TNFRSF10C: variants seen among roughly 807,000 people sequenced by gnomAD.
TNFRSF10C encodes tumor necrosis factor receptor superfamily member 10C.
Under a neutral mutation model 16.7 loss-of-function variants are expected in TNFRSF10C, and 17 were observed. The ratio of observed to expected loss-of-function variants is 1.02; its 90% CI spans 0.70 to 1.53. The LOEUF (loss-of-function observed/expected upper bound fraction) is 1.53, where lower values mean the gene tolerates loss of function less well. Ranked by LOEUF, TNFRSF10C falls within the 40% of genes most tolerant of loss-of-function variation. TNFRSF10C has a pLI of 0.00. For missense variants in TNFRSF10C, 237 were observed against 329.7 expected (o/e 0.72, Z 2.18); for synonymous variants, 73 against 119.7 (o/e 0.61, Z 2.55).
intron 1 of TNFRSF10C, 47 bp from the exon 2 acceptor site, chr8:23,111,673 G>A (rs1288841028): frequency 1.4e-6 from 2 of 1,456,214 alleles, no homozygotes; most frequent in South Asian, 1.2e-5. Context: ...CCTGGGAGGG[G>A]TGAGGTCTGG....
At chr8:23,105,177 T>G (rs1585245191) in intron 1 of TNFRSF10C, among the ~76,000 whole-genome samples, 1 of 152,212 alleles carries the variant, frequency 6.6e-6, no homozygotes, top group Non-Finnish European at 1.5e-5. Context: ...GGCTGGGCCC[T>G]GCCGTGCTCC....
Position 23,103,164 on chromosome 8 carries a change from G to C in TNFRSF10C, c.43G>C (p.Val15Leu), listed in dbSNP as rs147367612. The C allele has an allele frequency of 2.5e-6, 4 of 1,611,666 alleles. No homozygotes were observed. In the South Asian group the frequency reaches 3.3e-5, roughly 13 times the overall value. Residue 15 changes from valine (V) to leucine (L), a missense_variant, in exon 1 of 5, where the codon GTC becomes CTC. Val to Leu is a conservative substitution (Grantham distance 32). This residue lies in a region of TNFRSF10C where 212 missense variants were observed against 196.8 expected (regional missense o/e 1.08). Coordinates refer to ENST00000356864, the MANE Select transcript of TNFRSF10C (RefSeq NM_003841.5). ...GACCCTAAAGTTCGTCGTCGTCATC[G>C]TCGCGGTCCTGCTGCCAGTGAGTCC... ...PKTLKFVVVI[V>L]AVLLPVLAYS...
chr8:23,109,756 A>G (rs574595619), intron 1 of TNFRSF10C, among the ~76,000 whole-genome samples: 29 of 152,276 alleles, frequency 1.9e-4, no homozygotes, highest in African/African-American at 6.5e-4. Context: ...ATCAAAGAAT[A>G]CAAACCACAG....
intron 1 of TNFRSF10C, 166 bp downstream of exon 1, chr8:23,103,347 G>T: frequency 7.6e-7 from 1 of 1,313,422 alleles, no homozygotes; most frequent in Non-Finnish European, 1.1e-6. Context: ...TGGGTCCCCG[G>T]GCTGGGCAGG....
intron 1 of TNFRSF10C, among the ~76,000 whole-genome samples, chr8:23,107,503 C>A (rs1368625665): frequency 6.6e-6 from 1 of 152,144 alleles, no homozygotes; most frequent in African/African-American, 2.4e-5. Context: ...CCCATTATAC[C>A]TCAATGAATC....
chr8:23,105,664 G>A (rs1420223956), intron 1 of TNFRSF10C, among the ~76,000 whole-genome samples: 1 of 152,210 alleles, frequency 6.6e-6, no homozygotes, highest in East Asian at 1.9e-4. Context: ...GCTGTACTGA[G>A]AGGCCACAGT....
rs752739418 is a variant in TNFRSF10C, at chr8:23,111,790, A to G, written c.131A>G (p.Gln44Arg). 5 of 1,614,066 alleles carry G rather than the reference A, an allele frequency of 3.1e-6. No individual in the cohort carries two copies. The highest frequency in any genetic ancestry group is 1.3e-5 in the African/African-American group (1 of 74,944). Residue 44 changes from glutamine to arginine, a missense_variant, in exon 2 of 5, where the codon CAG becomes CGG. By Grantham distance (43) the Gln-to-Arg change is conservative (BLOSUM62 1). This residue lies in a region of TNFRSF10C where 212 missense variants were observed against 196.8 expected (regional missense o/e 1.08). Transcript: ENST00000356864. Reference sequence around the variant, plus strand: ...CAGCAGACAGTGGCCCCACAGCAACAGAGGCACAGCTTCAAGGGGGAGGAG... The same window carrying G: ...CAGCAGACAGTGGCCCCACAGCAACGGAGGCACAGCTTCAAGGGGGAGGAG... Reference protein sequence around the residue: ...VPQQTVAPQQQRHSFKGEECP... With the variant: ...VPQQTVAPQQRRHSFKGEECP...
intron 1 of TNFRSF10C, among the ~76,000 whole-genome samples, chr8:23,110,248 G>T (rs2128830747): frequency 6.6e-6 from 1 of 152,086 alleles, no homozygotes; most frequent in Middle Eastern, 3.4e-3. Context: ...GAATGATTTG[G>T]GAAAAGTGGG....
intron 1 of TNFRSF10C, among the ~76,000 whole-genome samples, chr8:23,107,964 T>C (rs1318487894): frequency 6.6e-6 from 1 of 152,122 alleles, no homozygotes; most frequent in Non-Finnish European, 1.5e-5. Flanking sequence ...CAGTATCAGA[T>C]GAAGTTGATT....
At chr8:23,115,336 G>A (rs1170271032) in intron 3 of TNFRSF10C, among the ~76,000 whole-genome samples, 172 bp from the exon 4 acceptor site, 1 of 151,946 alleles carries the variant, frequency 6.6e-6, no homozygotes, top group Non-Finnish European at 1.5e-5. Context: ...GAGTGCTGGT[G>A]ACAGCTGAAG....
chr8:23,109,357 G>A (rs757112890), intron 1 of TNFRSF10C, among the ~76,000 whole-genome samples: 6 of 152,118 alleles, frequency 3.9e-5, no homozygotes, highest in Non-Finnish European at 8.8e-5. Context: ...AAAATTATGG[G>A]CCGGGCACGG....
chr8:23,113,280 A>C (rs188158526), intron 2 of TNFRSF10C, among the ~76,000 whole-genome samples: 1 of 152,054 alleles, frequency 6.6e-6, no homozygotes, highest in East Asian at 1.9e-4. Flanking sequence ...TTCCTTTGTC[A>C]TGCAGAACCT....
At chr8:23,104,410 T>G (rs185646499) in intron 1 of TNFRSF10C, among the ~76,000 whole-genome samples, 791 of 152,004 alleles carry the variant, frequency 5.2e-3, no homozygotes, top group African/African-American at 0.016. Context: ...TAAGCCACAT[T>G]TTAATTCACT....
At chr8:23,115,649 T>C in intron 4 of TNFRSF10C, 33 bp downstream of exon 4, 1 of 1,585,856 alleles carries the variant, frequency 6.3e-7, no homozygotes, top group Non-Finnish European at 8.6e-7. Flanking sequence ...CTGACAGCTT[T>C]CAGGAACCCG....
intron 1 of TNFRSF10C, among the ~76,000 whole-genome samples, chr8:23,106,813 C>T (rs1196651983): frequency 6.6e-6 from 1 of 151,966 alleles, no homozygotes; most frequent in Non-Finnish European, 1.5e-5. Context: ...AGTGAAACCC[C>T]GTCTCTACTG....
intron 1 of TNFRSF10C, among the ~76,000 whole-genome samples, chr8:23,109,268 G>T (rs1813834087): frequency 6.6e-6 from 1 of 151,970 alleles, no homozygotes; most frequent in South Asian, 2.1e-4. Flanking sequence ...ACTTTAAATG[G>T]GTGAATTATA....
intron 4 of TNFRSF10C, among the ~76,000 whole-genome samples, chr8:23,116,060 C>T (rs1426429721): frequency 1.3e-5 from 2 of 152,154 alleles, no homozygotes; most frequent in African/African-American, 2.4e-5. Flanking sequence ...AAAGTGGTCA[C>T]GGCCGACAAA....
At chr8:23,107,094 A>T (rs1476249529) in intron 1 of TNFRSF10C, among the ~76,000 whole-genome samples, 2 of 152,102 alleles carry the variant, frequency 1.3e-5, no homozygotes, top group Non-Finnish European at 2.9e-5. Context: ...GATGGCTCAC[A>T]CCTGTAGTCC....
chr8:23,103,323 G>T, intron 1 of TNFRSF10C, 142 bp downstream of exon 1: 1 of 1,442,840 alleles, frequency 6.9e-7, no homozygotes, highest in Non-Finnish European at 9.4e-7. Flanking sequence ...CGCCGTCGGA[G>T]TCAGGGGAAG....
Sources: gnomAD v4.1 joint callset for allele counts (sites outside exome capture counted in the v4.1 genomes callset) on GRCh38, gnomAD v4.1.1 for gene constraint, gnomAD v4.1.1 regional missense constraint, MANE v1.5 for transcripts, NCBI Gene and HGNC (gene_info 2026-07-23, HGNC 2026-07-21) for gene names.